The following CCSER1 variants were observed in gnomAD, a reference collection of about 807,000 sequenced individuals.
CCSER1 encodes the protein coiled-coil serine rich protein 1, also known as serine-rich coiled-coil domain-containing protein 1.
In CCSER1, 41 loss-of-function variants were observed where a neutral mutation model predicts 82.0. The ratio of observed to expected loss-of-function variants is 0.50; its 90% CI spans 0.39 to 0.65. The LOEUF is 0.65. Ranked by LOEUF, CCSER1 falls within the 30% of genes least tolerant of loss-of-function variation. CCSER1 has a pLI of 0.00. For synonymous variants in CCSER1, 414 were observed against 383.9 expected (o/e 1.08, Z -0.92); for missense variants, 1,119 against 1,064.2 (o/e 1.05, Z -0.72).
chr4:90,685,204 C>T (rs1473264716), intron 6 of CCSER1, among the ~76,000 whole-genome samples: 2 of 152,116 alleles, frequency 1.3e-5, no homozygotes, highest in East Asian at 3.9e-4. Context: ...TTCCAATATT[C>T]TGCCTTCTGT....
At position 90,127,420 on chromosome 4, in the gene CCSER1, G is replaced by A. The variant is rs953869816; in HGVS notation, c.-453G>A. The A allele has an allele frequency of 2.0e-5, 3 of 152,346 alleles. No homozygotes were observed. Among genetic ancestry groups the A allele is most frequent in the African/African-American group, 7.2e-5 (3 of 41,446 alleles). 9.4% of individuals were successfully genotyped at this position (152,346 alleles called of 1,614,324 possible). A position where few individuals can be genotyped will look rare whatever the true frequency, so the allele number is the denominator to read the frequency against. The stretch of plus-strand genomic sequence containing the variant: ...CAGCCCCGGAGCGCGGCCTGCCGGG[G>A]AGGTGGATCTCGCGCTCCCCACACA... On this transcript the variant is annotated 5_prime_UTR_variant, in exon 1 of 11. Coordinates refer to ENST00000509176, the MANE Select transcript of CCSER1 (RefSeq NM_001145065.2).
Position 90,257,556 on chromosome 4 carries a change from G to GATAGATAC in CCSER1, c.-41-50663_-41-50656dup, listed in dbSNP as rs1553973699. Reference sequence around the variant, plus strand: ...AGATAGATAGATAGATAGATAGATAGATAGATACATAGATACATAGATACA... The same window carrying GATAGATAC: ...AGATAGATAGATAGATAGATAGATAGATAGATACATAGATACATAGATACATAGATACA... On this transcript the variant is annotated intron_variant, in intron 1 of 10. Transcript: ENST00000509176. Among the ~76,000 whole-genome samples, 351 of 109,940 alleles carry GATAGATAC rather than the reference G, an allele frequency of 3.2e-3. 6 individuals are homozygous for GATAGATAC. Among genetic ancestry groups the GATAGATAC allele is most frequent in the Non-Finnish European group, 4.0e-3 (178 of 44,256 alleles). 72.1% of individuals were successfully genotyped at this position (109,940 alleles called of 152,430 possible).
chr4:90,166,442 C>A (rs1730467983), intron 1 of CCSER1, among the ~76,000 whole-genome samples: 1 of 151,676 alleles, frequency 6.6e-6, no homozygotes, highest in South Asian at 2.1e-4. Context: ...AGACAGTATA[C>A]CATATACTTG....
intron 10 of CCSER1, among the ~76,000 whole-genome samples, chr4:91,249,863 C>T (rs1045501351): frequency 6.6e-6 from 1 of 151,808 alleles, no homozygotes; most frequent in African/African-American, 2.4e-5. Flanking sequence ...AGATCATTTC[C>T]TATTAATCTT....
intron 10 of CCSER1, among the ~76,000 whole-genome samples, chr4:91,563,611 G>A (rs1001200081): frequency 6.6e-6 from 1 of 151,774 alleles, no homozygotes; most frequent in African/African-American, 2.4e-5. Context: ...GTGAAAAGCT[G>A]AGAGTTTTCC....
chr4:90,366,558 C>T (rs1157744786), intron 3 of CCSER1, among the ~76,000 whole-genome samples: 1 of 151,676 alleles, frequency 6.6e-6, no homozygotes. Flanking sequence ...TAACTATATT[C>T]ACCAGGCTGT....
chr4:90,662,864 T>C (rs1407030038), intron 6 of CCSER1, among the ~76,000 whole-genome samples: 3 of 152,206 alleles, frequency 2.0e-5, no homozygotes, highest in Non-Finnish European at 2.9e-5. Flanking sequence ...TGCTATGTCA[T>C]AATCCAATGA....
chr4:90,889,127 G>A (rs1232582552), intron 8 of CCSER1, among the ~76,000 whole-genome samples: 2 of 152,118 alleles, frequency 1.3e-5, no homozygotes, highest in Non-Finnish European at 2.9e-5. Flanking sequence ...TGTCAACTGC[G>A]TGAAAGAATC....
At chr4:90,140,876 A>T (rs917894141) in intron 1 of CCSER1, among the ~76,000 whole-genome samples, 20 of 151,770 alleles carry the variant, frequency 1.3e-4, no homozygotes, top group African/African-American at 4.8e-4. Flanking sequence ...TATATTGGCC[A>T]GGATGGTCTC....
intron 3 of CCSER1, among the ~76,000 whole-genome samples, chr4:90,319,768 G>A (rs746956382): frequency 2.0e-5 from 3 of 152,088 alleles, no homozygotes; most frequent in African/African-American, 7.2e-5. Flanking sequence ...TTAAAATAAC[G>A]ATTGCAGTTT....
chr4:90,250,786 G>A (rs1722249998), intron 1 of CCSER1, among the ~76,000 whole-genome samples: 1 of 152,018 alleles, frequency 6.6e-6, no homozygotes, highest in Non-Finnish European at 1.5e-5. Context: ...TGTTGAATCT[G>A]TATCAGTTTG....
At chr4:90,263,783 C>G (rs1447341522) in intron 1 of CCSER1, among the ~76,000 whole-genome samples, 1 of 152,122 alleles carries the variant, frequency 6.6e-6, no homozygotes, top group Non-Finnish European at 1.5e-5. Flanking sequence ...AGTTTATGTC[C>G]TTTGTGTTAA....
chr4:90,499,795 T>C (rs1325465056), intron 5 of CCSER1, among the ~76,000 whole-genome samples: 1 of 152,174 alleles, frequency 6.6e-6, no homozygotes. Context: ...CTTGAGCTTT[T>C]AGGGCACCCT....
At chr4:90,190,728 C>A (rs1735466188) in intron 1 of CCSER1, among the ~76,000 whole-genome samples, 1 of 152,060 alleles carries the variant, frequency 6.6e-6, no homozygotes, top group South Asian at 2.1e-4. Flanking sequence ...CATCTGGTTA[C>A]TTTGTCATCC....
At chr4:91,525,836 A>G (rs1469820657) in intron 10 of CCSER1, among the ~76,000 whole-genome samples, 3 of 152,138 alleles carry the variant, frequency 2.0e-5, no homozygotes, top group African/African-American at 7.2e-5. Flanking sequence ...CACCCTGCCA[A>G]CCACCTAAGT....
intron 10 of CCSER1, among the ~76,000 whole-genome samples, chr4:91,531,113 T>C (rs560284365): frequency 3.0e-4 from 45 of 152,286 alleles, no homozygotes; most frequent in African/African-American, 9.9e-4. Flanking sequence ...TTAATGTATA[T>C]AGGTAGTAAT....
At chr4:91,093,949 C>T (rs964559208) in intron 10 of CCSER1, among the ~76,000 whole-genome samples, 7 of 152,188 alleles carry the variant, frequency 4.6e-5, no homozygotes, top group East Asian at 1.9e-4. Flanking sequence ...TTTTAGGTTT[C>T]GGTAAGCTGC....
At chr4:90,201,404 G>A (rs1578457221) in intron 1 of CCSER1, among the ~76,000 whole-genome samples, 3 of 151,976 alleles carry the variant, frequency 2.0e-5, no homozygotes, top group East Asian at 1.9e-4. Context: ...TGAGTAAAAT[G>A]CATAATGTAG....
intron 10 of CCSER1, among the ~76,000 whole-genome samples, chr4:91,226,758 T>A (rs1738236056): frequency 6.6e-6 from 1 of 151,880 alleles, no homozygotes; most frequent in Admixed American, 6.6e-5. Context: ...AACTTGTACA[T>A]TTCATTTGCA....
Sources: gnomAD v4.1 joint callset for allele counts (sites outside exome capture counted in the v4.1 genomes callset) on GRCh38, gnomAD v4.1.1 for gene constraint, MANE v1.5 for transcripts, NCBI Gene and HGNC (gene_info 2026-07-23, HGNC 2026-07-21) for gene names.